The following ACTN1 variants were observed in gnomAD, a reference collection of about 807,000 sequenced individuals.
The protein encoded by ACTN1 is alpha-actinin-1.
In ACTN1, 30 loss-of-function variants were observed where a neutral mutation model predicts 119.6. That is an observed-to-expected ratio of 0.25 (90% CI 0.19 to 0.34). The LOEUF is 0.34. Among genes scored for constraint, ACTN1 ranks in the 10% least tolerant of loss-of-function variants. The pLI, the probability that ACTN1 is intolerant of heterozygous loss-of-function variation, is 1.00. For synonymous variants in ACTN1, 429 were observed against 472.6 expected (o/e 0.91, Z 1.20); for missense variants, 764 against 1,223.4 (o/e 0.62, Z 5.60).
intron 3 of ACTN1, among the ~76,000 whole-genome samples, chr14:68,912,987 T>C (rs2034092630): frequency 6.6e-6 from 1 of 152,218 alleles, no homozygotes; most frequent in Admixed American, 6.5e-5. Context: ...ACTTAAAGTT[T>C]TGTAAATTGC....
intron 1 of ACTN1, among the ~76,000 whole-genome samples, chr14:68,927,311 T>C (rs2034980625): frequency 6.6e-6 from 1 of 152,168 alleles, no homozygotes; most frequent in African/African-American, 2.4e-5. Flanking sequence ...GCACCCTGCA[T>C]TCACCCATTA....
At chr14:68,939,051 C>T (rs934098794) in intron 1 of ACTN1, among the ~76,000 whole-genome samples, 8 of 152,286 alleles carry the variant, frequency 5.3e-5, no homozygotes, top group East Asian at 3.9e-4. Flanking sequence ...ACAAAGGCAC[C>T]GTGCTTGAGA....
intron 8 of ACTN1, chr14:68,900,957 AAGG>A (rs1348755262): frequency 2.6e-5 from 4 of 152,380 alleles, no homozygotes; most frequent in Admixed American, 1.3e-4. Flanking sequence ...CTGCACAGAG[AAGG>A]AGAAGAGGTT....
chr14:68,877,311 C>T, intron 20 of ACTN1, 71 bp from the exon 21 acceptor site: 2 of 1,578,804 alleles, frequency 1.3e-6, no homozygotes, highest in South Asian at 1.1e-5. Flanking sequence ...GGACTGAAGA[C>T]CCTGGGGGCT....
intron 1 of ACTN1, chr14:68,977,795 T>A (rs1396011561): frequency 3.2e-6 from 1 of 314,520 alleles, no homozygotes; most frequent in East Asian, 1.0e-4. Flanking sequence ...GGACGCGCCA[T>A]CCTGTCCCCC....
At chr14:68,928,807 T>G (rs1326670347) in intron 1 of ACTN1, among the ~76,000 whole-genome samples, 1 of 152,006 alleles carries the variant, frequency 6.6e-6, no homozygotes, top group African/African-American at 2.4e-5. Flanking sequence ...CCACATCCTC[T>G]CCCTGCCCCC....
At position 68,878,874 on chromosome 14, in the gene ACTN1, A is replaced by G. The variant is rs2031201866; in HGVS notation, c.2361+115T>C. 4 of 1,598,004 alleles carry G rather than the reference A, an allele frequency of 2.5e-6. No individual in the cohort carries two copies. The highest frequency in any genetic ancestry group is 2.7e-5 in the African/African-American group (2 of 74,854). ...GAGACAGCAGGAGAGGACGAGCCCCATGGCCCACAGGAGGGGGACAGGAGA... is the reference window on the plus strand; with the variant it reads ...GAGACAGCAGGAGAGGACGAGCCCCGTGGCCCACAGGAGGGGGACAGGAGA... On this transcript the variant is annotated intron_variant, in intron 19 of 21. Transcript: ENST00000394419. The surrounding 1 kb of genome is among the most constrained non-coding windows in gnomAD (Gnocchi z 4.4).
intron 2 of ACTN1, among the ~76,000 whole-genome samples, chr14:68,923,327 G>C (rs1354871376): frequency 6.6e-6 from 1 of 152,188 alleles, no homozygotes; most frequent in Non-Finnish European, 1.5e-5. Context: ...TATAGGTGCT[G>C]GGGAGCTGGG....
chr14:68,946,463 A>G (rs2035947347), intron 1 of ACTN1, among the ~76,000 whole-genome samples: 1 of 152,148 alleles, frequency 6.6e-6, no homozygotes, highest in Non-Finnish European at 1.5e-5. Context: ...TGCTTCTAGA[A>G]AACTTCCCAG....
intron 1 of ACTN1, among the ~76,000 whole-genome samples, chr14:68,974,576 G>A (rs1008006186): frequency 2.2e-5 from 3 of 138,972 alleles, no homozygotes; most frequent in East Asian, 2.0e-4. Context: ...ACACACACAC[G>A]TGGCTGAAAT....
chr14:68,959,557 G>A (rs1003158094), intron 1 of ACTN1, among the ~76,000 whole-genome samples: 1 of 152,158 alleles, frequency 6.6e-6, no homozygotes, highest in African/African-American at 2.4e-5. Flanking sequence ...CAGAACCAGG[G>A]TCAGGGTTGA....
At chr14:68,924,580 G>A (rs149446584) in intron 2 of ACTN1, among the ~76,000 whole-genome samples, 1 of 152,376 alleles carries the variant, frequency 6.6e-6, no homozygotes, top group East Asian at 1.9e-4. Context: ...GCTGAGGGCT[G>A]TGAGAGGGAA....
intron 1 of ACTN1, among the ~76,000 whole-genome samples, chr14:68,964,786 T>C (rs2036651873): frequency 6.6e-6 from 1 of 152,186 alleles, no homozygotes; most frequent in African/African-American, 2.4e-5. Context: ...CGGTAATAAG[T>C]GCTGGCTGTT....
chr14:68,977,765 C>T, intron 1 of ACTN1: 2 of 341,952 alleles, frequency 5.8e-6, no homozygotes, highest in South Asian at 4.3e-5. Flanking sequence ...CAAGCCCAGC[C>T]CTAACCGCAC....
At chr14:68,945,540 GAA>G (rs2035918271) in intron 1 of ACTN1, among the ~76,000 whole-genome samples, 1 of 152,216 alleles carries the variant, frequency 6.6e-6, no homozygotes, top group African/African-American at 2.4e-5. Context: ...ATCAGAGATG[GAA>G]AAGAGTGGCT....
At chr14:68,918,696 C>T (rs1484311008) in intron 3 of ACTN1, among the ~76,000 whole-genome samples, 1 of 151,848 alleles carries the variant, frequency 6.6e-6, no homozygotes, top group Admixed American at 6.6e-5. Context: ...GAGATAGAGA[C>T]CATCCTGGCT....
chr14:68,881,220 T>C (rs1384816606), intron 16 of ACTN1: 1 of 452,208 alleles, frequency 2.2e-6, no homozygotes, highest in Non-Finnish European at 3.9e-6. Flanking sequence ...TTGGATGAAA[T>C]ACCTACCAAC....
intron 1 of ACTN1, among the ~76,000 whole-genome samples, chr14:68,932,448 C>G (rs1372788279): frequency 1.3e-5 from 2 of 151,010 alleles, no homozygotes; most frequent in African/African-American, 4.9e-5. Flanking sequence ...TAACAAACTC[C>G]CCTTTATATA....
rs2031665356 is a variant in ACTN1, at chr14:68,882,717, A to G, written c.1819-125T>C. The stretch of plus-strand genomic sequence containing the variant: ...TAACAGAACAGGAGTAAAGGTGTCA[A>G]CCTGTTCTGGAAACCCAGTCATTTG... On this transcript the variant is annotated intron_variant, in intron 15 of 21. Transcript: ENST00000394419. The surrounding 1 kb of genome is among the most constrained non-coding windows in gnomAD (Gnocchi z 4.5). The G allele has an allele frequency of 6.6e-7, 1 of 1,517,644 alleles. No homozygotes were observed. The highest frequency in any genetic ancestry group is 9.0e-7 in the Non-Finnish European group (1 of 1,116,204). 94.0% of individuals were successfully genotyped at this position (1,517,644 alleles called of 1,614,324 possible).
Sources: gnomAD v4.1 joint callset for allele counts (sites outside exome capture counted in the v4.1 genomes callset) on GRCh38, gnomAD v4.1.1 for gene constraint, Gnocchi (gnomAD v3.1) non-coding constraint, MANE v1.5 for transcripts, NCBI Gene and HGNC (gene_info 2026-07-23, HGNC 2026-07-21) for gene names.